The following ATXN8OS variants were observed in gnomAD, a reference collection of about 807,000 sequenced individuals.
ATXN8OS encodes the protein ATXN8 opposite strand lncRNA.
At chr13:70,148,192 G>A (rs1433016751) in intron 4 of ATXN8OS, among the ~76,000 whole-genome samples, 1 of 152,098 alleles carries the variant, frequency 6.6e-6, no homozygotes, top group African/African-American at 2.4e-5. Flanking sequence ...ATCTTTTATG[G>A]ATCAGGAAAA....
chr13:70,146,038 T>G (rs1365883562), intron 3 of ATXN8OS, among the ~76,000 whole-genome samples: 50 of 103,818 alleles, frequency 4.8e-4, no homozygotes, highest in South Asian at 2.7e-3. Flanking sequence ...ATATCCAGAA[T>G]CTACAATGAA....
At chr13:70,144,212 A>T (rs898382604) in intron 3 of ATXN8OS, among the ~76,000 whole-genome samples, 1 of 152,096 alleles carries the variant, frequency 6.6e-6, no homozygotes, top group Admixed American at 6.6e-5. Flanking sequence ...CTTATCACAT[A>T]TGCACTGTCT....
chr13:70,159,622 A>G (rs1888979332), intron 4 of ATXN8OS, among the ~76,000 whole-genome samples: 1 of 152,132 alleles, frequency 6.6e-6, no homozygotes, highest in Non-Finnish European at 1.5e-5. Flanking sequence ...CATTTGTATA[A>G]CCACCACCAC....
chr13:70,153,500 G>A (rs894965438), intron 4 of ATXN8OS, among the ~76,000 whole-genome samples: 4 of 152,048 alleles, frequency 2.6e-5, no homozygotes, highest in Admixed American at 6.6e-5. Context: ...GCATGAACCC[G>A]GGAGATGGAG....
chr13:70,149,219 T>G (rs1284027505), intron 4 of ATXN8OS, among the ~76,000 whole-genome samples: 1 of 152,124 alleles, frequency 6.6e-6, no homozygotes, highest in East Asian at 1.9e-4. Context: ...CATGTTTAAG[T>G]GTTAGATGTA....
intron 3 of ATXN8OS, among the ~76,000 whole-genome samples, chr13:70,145,885 T>G (rs1017716813): frequency 1.3e-5 from 2 of 150,774 alleles, no homozygotes; most frequent in Non-Finnish European, 3.0e-5. Flanking sequence ...CCAAAAGCAA[T>G]GGCAACAAAA....
At chr13:70,144,058 T>C (rs999669469) in intron 3 of ATXN8OS, among the ~76,000 whole-genome samples, 3 of 152,140 alleles carry the variant, frequency 2.0e-5, no homozygotes, top group African/African-American at 7.2e-5. Context: ...GGAAAATAAA[T>C]TGGGACTACT....
At chr13:70,147,926 G>T (rs1888809517) in intron 4 of ATXN8OS, among the ~76,000 whole-genome samples, 2 of 152,148 alleles carry the variant, frequency 1.3e-5, no homozygotes, top group South Asian at 2.1e-4. Context: ...TATTCATTTG[G>T]CCCAGAAAGG....
chr13:70,156,966 T>C (rs777327282), intron 4 of ATXN8OS, among the ~76,000 whole-genome samples: 2 of 152,112 alleles, frequency 1.3e-5, no homozygotes, highest in Non-Finnish European at 2.9e-5. Flanking sequence ...TAGTTACCCG[T>C]AAATGAAAAA....
chr13:70,167,417 A>G (rs1360180225), intron 4 of ATXN8OS, among the ~76,000 whole-genome samples: 1 of 152,030 alleles, frequency 6.6e-6, no homozygotes, highest in Non-Finnish European at 1.5e-5. Flanking sequence ...AGGAAAAAAA[A>G]CCAAACACCA....
At chr13:70,117,884 A>C (rs1888302079) in intron 2 of ATXN8OS, among the ~76,000 whole-genome samples, 1 of 152,114 alleles carries the variant, frequency 6.6e-6, no homozygotes, top group African/African-American at 2.4e-5. Flanking sequence ...TAAAGCTTTC[A>C]ATACTTAGTT....
chr13:70,154,089 T>C (rs1241464324), intron 4 of ATXN8OS, among the ~76,000 whole-genome samples: 1 of 152,150 alleles, frequency 6.6e-6, no homozygotes, highest in Non-Finnish European at 1.5e-5. Context: ...TCCTAGGCAT[T>C]ACATTTTAAC....
chr13:70,107,609 C>T (rs145694020), upstream of ATXN8OS: 4 of 1,592,118 alleles, frequency 2.5e-6, no homozygotes, highest in Non-Finnish European at 3.4e-6. Context: ...CCCGCCGGGC[C>T]GCCGGTGGAA....
Position 70,145,578 on chromosome 13 carries a change from G to T in ATXN8OS, n.500-1777G>T, listed in dbSNP as rs1400180767. ...AAGAGGTCCTTCACATCCCTTGTAAGTTGGATTCCTAGGTATTTTATTCTC... is the reference window on the plus strand; with the variant it reads ...AAGAGGTCCTTCACATCCCTTGTAATTTGGATTCCTAGGTATTTTATTCTC... On this transcript the variant is annotated intron_variant and non_coding_transcript_variant, in intron 3 of 4. Coordinates refer to ENST00000678624, the Ensembl canonical transcript of ATXN8OS. Among the ~76,000 whole-genome samples, 17 of 152,116 alleles carry T rather than the reference G, an allele frequency of 1.1e-4. No individual in the cohort carries two copies. In the East Asian group the frequency reaches 3.3e-3, roughly 29 times the overall value.
At chr13:70,138,775 A>G (rs1012803931) in intron 3 of ATXN8OS, among the ~76,000 whole-genome samples, 1 of 152,164 alleles carries the variant, frequency 6.6e-6, no homozygotes, top group Non-Finnish European at 1.5e-5. Flanking sequence ...ATTAGAGGTA[A>G]CATTTTAACC....
At chr13:70,124,569 A>G (rs1184459668) in intron 2 of ATXN8OS, among the ~76,000 whole-genome samples, 1 of 152,084 alleles carries the variant, frequency 6.6e-6, no homozygotes, top group African/African-American at 2.4e-5. Flanking sequence ...GTACCTTAGA[A>G]AAACAATAAA....
At chr13:70,141,574 T>A (rs1054992584) in intron 3 of ATXN8OS, among the ~76,000 whole-genome samples, 6 of 152,090 alleles carry the variant, frequency 3.9e-5, no homozygotes, top group African/African-American at 1.4e-4. Context: ...TGTAAGAAAT[T>A]TATATATACA....
At chr13:70,152,830 T>C (rs1888888064) in intron 4 of ATXN8OS, among the ~76,000 whole-genome samples, 1 of 152,186 alleles carries the variant, frequency 6.6e-6, no homozygotes. Flanking sequence ...TCATTTATTT[T>C]TCCCAGCAGC....
intron 4 of ATXN8OS, among the ~76,000 whole-genome samples, chr13:70,162,283 C>T (rs559055348): frequency 1.1e-4 from 16 of 152,104 alleles, no homozygotes; most frequent in African/African-American, 2.6e-4. Flanking sequence ...AAACCTGAGA[C>T]GCAGAATTCA....
Sources: allele counts gnomAD v4.1 joint callset (sites outside exome capture counted in the v4.1 genomes callset), GRCh38; gene constraint gnomAD v4.1.1; transcripts MANE v1.5; gene names NCBI Gene and HGNC (gene_info 2026-07-23, HGNC 2026-07-21).